FHOD3: variants seen among roughly 807,000 people sequenced by gnomAD.
The protein encoded by FHOD3 is formin homology 2 domain containing 3.
FHOD3 carries 90 observed loss-of-function variants against 173.0 expected under a neutral mutation model. That is an observed-to-expected ratio of 0.52 (90% confidence interval 0.44 to 0.62). The LOEUF is 0.62. Ranked by LOEUF, FHOD3 falls within the 20% of genes least tolerant of loss-of-function variation. The pLI is 0.00. For missense variants in FHOD3, 1,945 were observed against 2,034.7 expected, an observed-to-expected ratio of 0.96 and a Z score of 0.85; for synonymous variants, 828 against 823.0, an observed-to-expected ratio of 1.01 and a Z score of -0.10.
At chr18:36,373,981 G>A (rs1207136104) in intron 3 of FHOD3, among the ~76,000 whole-genome samples, 2 of 152,212 alleles carry the variant, frequency 1.3e-5, no homozygotes, top group Non-Finnish European at 2.9e-5. Flanking sequence ...AACATGTACT[G>A]AACAGTGTTG....
chr18:36,607,861 T>G (rs1403916017), intron 8 of FHOD3, among the ~76,000 whole-genome samples: 1 of 152,248 alleles, frequency 6.6e-6, no homozygotes, highest in Non-Finnish European at 1.5e-5. Context: ...GTTTTTATTC[T>G]GGTTTCTAAT....
At chr18:36,319,975 A>T (rs895460295) in intron 1 of FHOD3, among the ~76,000 whole-genome samples, 1 of 152,260 alleles carries the variant, frequency 6.6e-6, no homozygotes, top group East Asian at 1.9e-4. Context: ...TCTCTGGGAC[A>T]CATTTAAAGC....
intron 5 of FHOD3, among the ~76,000 whole-genome samples, chr18:36,532,705 C>T (rs894059013): frequency 6.6e-6 from 1 of 152,202 alleles, no homozygotes. Flanking sequence ...TGGGTTCCCT[C>T]GGAGACCCAC....
intron 20 of FHOD3, among the ~76,000 whole-genome samples, chr18:36,733,752 T>C (rs1600473276): frequency 1.3e-5 from 2 of 152,288 alleles, no homozygotes; most frequent in South Asian, 4.2e-4. Context: ...CTGACTTTCA[T>C]AGGATTTTTA....
intron 5 of FHOD3, among the ~76,000 whole-genome samples, chr18:36,537,200 T>G (rs1239291161): frequency 6.6e-6 from 1 of 152,226 alleles, no homozygotes; most frequent in Admixed American, 6.5e-5. Flanking sequence ...AATTGTATTT[T>G]TACGCCAGGG....
intron 3 of FHOD3, among the ~76,000 whole-genome samples, chr18:36,454,708 C>T (rs192185759): frequency 6.6e-6 from 1 of 151,808 alleles, no homozygotes; most frequent in Non-Finnish European, 1.5e-5. Context: ...ACCCCTGCAA[C>T]CTCTCTGTCT....
intron 26 of FHOD3, 135 bp from the exon 27 acceptor site, chr18:36,760,473 G>A (rs1244610504): frequency 4.0e-6 from 3 of 746,900 alleles, no homozygotes; most frequent in African/African-American, 3.6e-5. Context: ...TAACTTCAGT[G>A]ACTGCCGTAA....
At chr18:36,723,592 C>T (rs1390011226) in intron 19 of FHOD3, among the ~76,000 whole-genome samples, 1 of 152,132 alleles carries the variant, frequency 6.6e-6, no homozygotes, top group African/African-American at 2.4e-5. Flanking sequence ...GATGATTTAC[C>T]ATTTCTAGAA....
intron 5 of FHOD3, among the ~76,000 whole-genome samples, chr18:36,547,263 G>GA (rs1568410743): frequency 6.6e-6 from 1 of 152,162 alleles, no homozygotes; most frequent in Non-Finnish European, 1.5e-5. Context: ...GACTTGAGTG[G>GA]AAAGTTTCTC....
intron 5 of FHOD3, among the ~76,000 whole-genome samples, chr18:36,570,294 C>T (rs1289530084): frequency 6.6e-6 from 1 of 152,036 alleles, no homozygotes; most frequent in African/African-American, 2.4e-5. Flanking sequence ...TGGATCAATT[C>T]CTTAAATGGA....
At chr18:36,639,693 G>T (rs1300494392) in intron 10 of FHOD3, among the ~76,000 whole-genome samples, 2 of 151,686 alleles carry the variant, frequency 1.3e-5, no homozygotes, top group Admixed American at 6.6e-5. Flanking sequence ...CGTGGTGGTG[G>T]GCGCCTGTAG....
intron 1 of FHOD3, among the ~76,000 whole-genome samples, chr18:36,351,081 G>A (rs987518510): frequency 1.3e-5 from 2 of 152,050 alleles, no homozygotes; most frequent in African/African-American, 2.4e-5. Context: ...TGGATGGCTC[G>A]GGTGGTGTGT....
At chr18:36,365,252 G>GA (rs1332656228) in intron 2 of FHOD3, among the ~76,000 whole-genome samples, 4 of 152,160 alleles carry the variant, frequency 2.6e-5, no homozygotes, top group African/African-American at 9.6e-5. Flanking sequence ...AGTGACAAGA[G>GA]AAAAAAATAG....
intron 15 of FHOD3, among the ~76,000 whole-genome samples, chr18:36,684,140 A>T (rs1489807290): frequency 6.6e-6 from 1 of 152,212 alleles, no homozygotes; most frequent in African/African-American, 2.4e-5. Flanking sequence ...GATCCCAGAA[A>T]ACTGAATTAA....
At chr18:36,710,405 C>T (rs985831227) in intron 18 of FHOD3, 14 of 152,208 alleles carry the variant, frequency 9.2e-5, no homozygotes, top group African/African-American at 3.1e-4. Context: ...AAAGGCCTGC[C>T]AACCAGTGCC....
chr18:36,317,100 C>T (rs1281839248), intron 1 of FHOD3, among the ~76,000 whole-genome samples: 1 of 152,198 alleles, frequency 6.6e-6, no homozygotes, highest in African/African-American at 2.4e-5. Context: ...ATATGTGCCA[C>T]ATTTTCTTTA....
intron 3 of FHOD3, among the ~76,000 whole-genome samples, chr18:36,467,889 G>A (rs554217024): frequency 6.6e-6 from 1 of 152,370 alleles, no homozygotes; most frequent in Admixed American, 6.5e-5. Context: ...AGTGCTGCCT[G>A]TGGCACGGGT....
intron 17 of FHOD3, among the ~76,000 whole-genome samples, chr18:36,700,680 CT>C (rs2039533624): frequency 6.6e-6 from 1 of 152,156 alleles, no homozygotes; most frequent in Admixed American, 6.5e-5. Flanking sequence ...AAAAAAAGAT[CT>C]CTGTACCTTT....
chr18:36,503,984 G>A (rs1306391044), intron 4 of FHOD3, among the ~76,000 whole-genome samples: 1 of 152,184 alleles, frequency 6.6e-6, no homozygotes, highest in Non-Finnish European at 1.5e-5. Context: ...GAGTTAAGTG[G>A]TGTGATCTTG....
Sources: gnomAD v4.1 joint callset for allele counts (sites outside exome capture counted in the v4.1 genomes callset) on GRCh38, gnomAD v4.1.1 for gene constraint, MANE v1.5 for transcripts, NCBI Gene and HGNC (gene_info 2026-07-23, HGNC 2026-07-21) for gene names.